POLR3E: variants seen among roughly 807,000 people sequenced by gnomAD.
The protein encoded by POLR3E is RNA polymerase III subunit E.
POLR3E carries 41 observed loss-of-function variants against 96.6 expected under a neutral mutation model. The observed-to-expected ratio is 0.42, with a 90% CI of 0.33 to 0.55. The LOEUF is 0.55. POLR3E is among the 20% of genes least tolerant of loss of function. The probability of loss-of-function intolerance (pLI) is 0.06; values close to 1 mark genes in which losing one functional copy is unlikely to be tolerated. For synonymous variants in POLR3E, 396 were observed against 383.6 expected, an observed-to-expected ratio of 1.03 and a Z score of -0.38; for missense variants, 849 against 952.1, an observed-to-expected ratio of 0.89 and a Z score of 1.43.
intron 9 of POLR3E, among the ~76,000 whole-genome samples, chr16:22,315,707 T>G (rs946793885): frequency 6.6e-6 from 1 of 152,204 alleles, no homozygotes; most frequent in Non-Finnish European, 1.5e-5. Flanking sequence ...AGTCTCATTC[T>G]GTCACCCAGG....
At chr16:22,317,094 C>T (rs530192007) in intron 11 of POLR3E, 21 bp from the exon 12 acceptor site, 15 of 1,613,594 alleles carry the variant, frequency 9.3e-6, no homozygotes, top group East Asian at 4.5e-5. Context: ...GCCTCTAACC[C>T]GTCCCCTCTG....
Position 22,334,308 on chromosome 16 carries a change from T to C in POLR3E, c.*608T>C, listed in dbSNP as rs1465612572. 6.6e-6 allele frequency: 1 copy of C among 152,182 alleles called. No homozygotes were observed. The highest frequency in any genetic ancestry group is 2.4e-5 in the African/African-American group (1 of 41,440). 9.4% of individuals were successfully genotyped at this position (152,182 alleles called of 1,614,324 possible). A position where few individuals can be genotyped will look rare whatever the true frequency, so the allele number is the denominator to read the frequency against. ...AGCAAAAAAATCAGAATCAAATCCA[T>C]CTCCTTTTAATGTTTGCAGAAAGAT... On this transcript the variant is annotated 3_prime_UTR_variant, in exon 21 of 21. Transcript: ENST00000299853.
At chr16:22,328,982 G>T in intron 19 of POLR3E, 1 of 211,236 alleles carries the variant, frequency 4.7e-6, no homozygotes, top group Non-Finnish European at 9.7e-6. Flanking sequence ...CCATAGTCGT[G>T]GGAGGCTGAG....
intron 1 of POLR3E, chr16:22,299,143 A>G (rs2047968393): frequency 6.9e-6 from 3 of 433,550 alleles, no homozygotes; most frequent in South Asian, 4.9e-5. Context: ...CAGGGAACCT[A>G]TCCTCTCCTG....
intron 12 of POLR3E, among the ~76,000 whole-genome samples, chr16:22,317,666 T>TTG (rs1555482956): frequency 0.015 from 2,038 of 137,576 alleles, 53 homozygotes; most frequent in East Asian, 0.1. Context: ...GTTGTTGTTG[T>TTG]TTTTTTTTTT....
chr16:22,302,215 A>G (rs996455706), intron 1 of POLR3E, among the ~76,000 whole-genome samples: 16 of 151,928 alleles, frequency 1.1e-4, no homozygotes, highest in African/African-American at 3.4e-4. Flanking sequence ...CCCGCCTCTC[A>G]ACTCCCCTAC....
In POLR3E at chr16:22,318,734, T is replaced by C; in HGVS notation, c.866-92T>C. The C allele has an allele frequency of 2.2e-6, 3 of 1,362,248 alleles. No homozygotes were observed. The highest frequency in any genetic ancestry group is 3.1e-6 in the Non-Finnish European group (3 of 980,094). 84.4% of individuals were successfully genotyped at this position (1,362,248 alleles called of 1,614,324 possible). ...GTTAGTTATCACATTCTGGGGTTAT[T>C]ACATGAACTTGAAGCTATGCGGACT... On this transcript the variant is annotated intron_variant, in intron 12 of 20. Coordinates refer to ENST00000299853, the MANE Select transcript of POLR3E (RefSeq NM_018119.4). This position sits in a 1 kb window ranked among gnomAD's most constrained non-coding sequence, Gnocchi z 5.0.
In POLR3E at chr16:22,318,728, G is replaced by C; in HGVS notation, c.866-98G>C. 1 of 1,288,782 alleles carries C rather than the reference G, an allele frequency of 7.8e-7. No homozygotes were observed. Among genetic ancestry groups the C allele is most frequent in the Admixed American group, 2.0e-5 (1 of 49,628 alleles). The allele number at this position is 1,288,782 out of a possible 1,614,324, so 79.8% of individuals were successfully genotyped here. On this transcript the variant is annotated intron_variant, in intron 12 of 20. Transcript: ENST00000299853. The surrounding 1 kb of genome is among the most constrained non-coding windows in gnomAD (Gnocchi z 5.0). ...ATTACTGTTAGTTATCACATTCTGG[G>C]GTTATTACATGAACTTGAAGCTATG...
intron 18 of POLR3E, chr16:22,326,691 A>G (rs566944894): frequency 1.9e-4 from 57 of 296,694 alleles, no homozygotes; most frequent in African/African-American, 1.1e-3. Flanking sequence ...TGAGGCTCCA[A>G]GGAATGAAAT....
rs767805809 is a variant in POLR3E, at chr16:22,335,042, G to A, written c.*1342G>A. On this transcript the variant is annotated 3_prime_UTR_variant, in exon 21 of 21. Transcript: ENST00000299853. The stretch of plus-strand genomic sequence containing the variant: ...GGTAACATCACTTAACAAGTTGATC[G>A]TGTATTGATTCTGTTAACATATGTG... 8 of 152,330 alleles carry A rather than the reference G, an allele frequency of 5.3e-5. No individual in the cohort carries two copies. Among genetic ancestry groups the A allele is most frequent in the East Asian group, 1.9e-4 (1 of 5,192 alleles). 9.4% of individuals were successfully genotyped at this position (152,330 alleles called of 1,614,324 possible).
chr16:22,310,855 G>A (rs2141754745), intron 6 of POLR3E, among the ~76,000 whole-genome samples: 1 of 152,174 alleles, frequency 6.6e-6, no homozygotes, highest in East Asian at 1.9e-4. Context: ...CTGGGAGGCG[G>A]AGGTTGCAGT....
At chr16:22,299,889 G>C (rs1316092373) in intron 1 of POLR3E, among the ~76,000 whole-genome samples, 1 of 129,402 alleles carries the variant, frequency 7.7e-6, no homozygotes, top group Non-Finnish European at 1.5e-5. Flanking sequence ...TTTAAAGAGA[G>C]ACCGGGGGGC....
At chr16:22,315,841 T>G (rs1401369078) in intron 9 of POLR3E, among the ~76,000 whole-genome samples, 1 of 152,006 alleles carries the variant, frequency 6.6e-6, no homozygotes, top group Non-Finnish European at 1.5e-5. Flanking sequence ...TTGTTTTTGT[T>G]TTTTTAGTAG....
At chr16:22,316,559 C>G (rs760159234) in intron 9 of POLR3E, 42 bp from the exon 10 acceptor site, 1 of 1,510,412 alleles carries the variant, frequency 6.6e-7, no homozygotes, top group East Asian at 2.3e-5. Context: ...AGGCCAGGGC[C>G]ATCAGCTGAG....
intron 2 of POLR3E, among the ~76,000 whole-genome samples, chr16:22,304,362 A>C (rs1026807317): frequency 6.6e-6 from 1 of 151,922 alleles, no homozygotes; most frequent in Non-Finnish European, 1.5e-5. Context: ...ATTTAGATGC[A>C]TTTAAGCTGC....
In POLR3E at chr16:22,308,927, A is replaced by G; in HGVS notation, c.168A>G (p.Val56=). 1.2e-6 allele frequency: 2 copies of G among 1,609,446 alleles called. No individual in the cohort carries two copies. The highest frequency in any genetic ancestry group is 1.3e-5 in the African/African-American group (1 of 74,914). ...GTGGGGGTGCTTGGTGCCTCCAGGT[A>G]GAGCTTGAGATGGCCATCGACACCC... The part of the protein sequence containing the change: ...SAKIKPKQQK[V]ELEMAIDTLN... Residue 56 remains valine, a splice_region_variant and synonymous_variant, in exon 5 of 21, where the codon GTA becomes GTG. Coordinates refer to ENST00000299853, the MANE Select transcript of POLR3E (RefSeq NM_018119.4).
chr16:22,323,866 C>G (rs2141800588), intron 14 of POLR3E, among the ~76,000 whole-genome samples: 1 of 152,294 alleles, frequency 6.6e-6, no homozygotes, highest in African/African-American at 2.4e-5. Context: ...AGCCAGCCAC[C>G]CTTCTCTCTC....
Position 22,332,109 on chromosome 16 carries a change from G to A in POLR3E, c.1994G>A (p.Arg665Gln), listed in dbSNP as rs1045218409. 2.4e-5 allele frequency: 38 copies of A among 1,613,610 alleles called. No individual in the cohort carries two copies. Among genetic ancestry groups the A allele is most frequent in the South Asian group, 4.4e-5 (4 of 91,074 alleles). ...EIFSKNYRVR[R>Q]NMIQSRLTQE... ...TTTTCCAAAAATTACCGGGTACGCC[G>A]AAACATGATCCAGTCTCGGTTGACT... Residue 665 changes from arginine to glutamine, a missense_variant, in exon 20 of 21, where the codon CGA (arginine) becomes CAA (glutamine). Transcript: ENST00000299853.
chr16:22,330,302 C>T (rs993163389), intron 19 of POLR3E, among the ~76,000 whole-genome samples: 1 of 152,146 alleles, frequency 6.6e-6, no homozygotes, highest in Non-Finnish European at 1.5e-5. Flanking sequence ...CCAGGCTGGT[C>T]TCGAACTCCT....
Sources: gnomAD v4.1 joint callset for allele counts (sites outside exome capture counted in the v4.1 genomes callset) on GRCh38, gnomAD v4.1.1 for gene constraint, Gnocchi (gnomAD v3.1) non-coding constraint, MANE v1.5 for transcripts, NCBI Gene and HGNC (gene_info 2026-07-23, HGNC 2026-07-21) for gene names.